The following CD99L2 variants were observed in gnomAD, a reference collection of about 807,000 sequenced individuals.
CD99L2 encodes CD99 antigen-like protein 2.
A neutral mutation model predicts 27.3 loss-of-function variants in CD99L2; 24 were observed. The ratio of observed to expected loss-of-function variants is 0.88; its 90% confidence interval spans 0.64 to 1.24. The LOEUF (loss-of-function observed/expected upper bound fraction) is 1.24. CD99L2 is among the 50% of genes most tolerant of loss of function. The pLI, the probability that CD99L2 is intolerant of heterozygous loss-of-function variation, is 0.00. For synonymous variants in CD99L2, 97 were observed against 87.9 expected, an observed-to-expected ratio of 1.10 and a Z score of -0.58; for missense variants, 255 against 221.6, an observed-to-expected ratio of 1.15 and a Z score of -0.96.
intron 4 of CD99L2, among the ~76,000 whole-genome samples, chrX:150,796,702 T>C (rs2045802889): frequency 8.9e-6 from 1 of 111,983 alleles, no homozygotes; most frequent in Non-Finnish European, 1.9e-5. Context: ...TAAACAATTG[T>C]TTAAGCACTC....
chrX:150,896,152 A>C (rs1289743322), intron 1 of CD99L2, among the ~76,000 whole-genome samples: 1 of 109,364 alleles, frequency 9.1e-6, no homozygotes, highest in Non-Finnish European at 1.9e-5. Context: ...GTAATCCCAG[A>C]ACTTTGGGAG....
intron 1 of CD99L2, among the ~76,000 whole-genome samples, chrX:150,888,534 T>C (rs1458863000): frequency 8.9e-6 from 1 of 112,066 alleles, no homozygotes; most frequent in Non-Finnish European, 1.9e-5. Context: ...GGAGGGGGAA[T>C]GATGATGATC....
chrX:150,794,618 C>G (rs73609536), intron 6 of CD99L2, among the ~76,000 whole-genome samples: 20,170 of 111,650 alleles, frequency 0.18, 1,364 homozygotes, highest in Middle Eastern at 0.25. Flanking sequence ...TAACCTGTAA[C>G]AAACAACCGC....
At chrX:150,776,103 C>G in intron 9 of CD99L2, 71 bp downstream of exon 9, 1 of 1,155,404 alleles carries the variant, frequency 8.7e-7, no homozygotes, top group Non-Finnish European at 1.2e-6. Context: ...GGATCTGGAT[C>G]TGTCCTGGCC....
intron 4 of CD99L2, among the ~76,000 whole-genome samples, chrX:150,796,214 A>C (rs1557419906): frequency 8.9e-6 from 1 of 112,464 alleles, no homozygotes; most frequent in African/African-American, 3.2e-5. Flanking sequence ...AACCTAAATG[A>C]GTTTTACAGA....
At chrX:150,869,013 A>G (rs1557422122) in intron 1 of CD99L2, among the ~76,000 whole-genome samples, 1 of 112,525 alleles carries the variant, frequency 8.9e-6, no homozygotes, top group Non-Finnish European at 1.9e-5. Context: ...TCTCATGGTC[A>G]AGGCAAGTGA....
intron 1 of CD99L2, among the ~76,000 whole-genome samples, chrX:150,866,035 C>T (rs1372425794): frequency 1.8e-5 from 2 of 111,971 alleles, no homozygotes; most frequent in Admixed American, 9.5e-5. Flanking sequence ...GTGGGAGAAT[C>T]GCTTAAGCCC....
At chrX:150,801,140 T>A (rs1416333775) in intron 4 of CD99L2, among the ~76,000 whole-genome samples, 1 of 111,658 alleles carries the variant, frequency 9.0e-6, no homozygotes, top group African/African-American at 3.3e-5. Flanking sequence ...TCACCAATTG[T>A]ATACAATCTC....
At chrX:150,867,833 T>C (rs1388846412) in intron 1 of CD99L2, among the ~76,000 whole-genome samples, 37 of 88,641 alleles carry the variant, frequency 4.2e-4, no homozygotes, top group Non-Finnish European at 7.6e-4. Context: ...GTGGAGGTTG[T>C]AGTGAGCCGA....
At chrX:150,877,155 A>G (rs1338579178) in intron 1 of CD99L2, among the ~76,000 whole-genome samples, 1 of 110,301 alleles carries the variant, frequency 9.1e-6, no homozygotes, top group African/African-American at 3.3e-5. Context: ...AGAAACAAAA[A>G]AGTCATAAAT....
At chrX:150,818,716 A>G (rs2046201737) in intron 2 of CD99L2, 1 of 157,852 alleles carries the variant, frequency 6.3e-6, no homozygotes, top group Non-Finnish European at 1.3e-5. Context: ...TAAACTAGAA[A>G]AAGAAGGCTT....
chrX:150,863,214 T>C (rs1369499444), intron 1 of CD99L2, among the ~76,000 whole-genome samples: 1 of 112,009 alleles, frequency 8.9e-6, no homozygotes, highest in Non-Finnish European at 1.9e-5. Flanking sequence ...TGAGGTAAGG[T>C]GACAAACAAT....
At position 150,777,443 on chromosome X, in the gene CD99L2, C is replaced by G. The variant is rs2043577619; in HGVS notation, c.535+1G>C. The stretch of plus-strand genomic sequence containing the variant: ...AGGAGCCTCAGGATTCAGAAACCCA[C>G]CAGATCCAGGGTCGTCATTGCTGCC... On this transcript the variant is annotated splice_donor_variant, in intron 8 of 10. Transcript: ENST00000370377. LOFTEE classifies it high-confidence loss of function. 1 of 1,211,918 alleles carries G rather than the reference C, an allele frequency of 8.3e-7. No individual in the cohort carries two copies. Among genetic ancestry groups the G allele is most frequent in the Non-Finnish European group, 1.1e-6 (1 of 895,455 alleles).
intron 1 of CD99L2, among the ~76,000 whole-genome samples, chrX:150,866,969 A>C (rs951164871): frequency 2.7e-5 from 3 of 111,920 alleles, no homozygotes; most frequent in African/African-American, 6.5e-5. Flanking sequence ...GAAAAAAAAA[A>C]CAGGTAGCTC....
intron 4 of CD99L2, among the ~76,000 whole-genome samples, chrX:150,808,899 A>AT (rs2046034442): frequency 9.0e-6 from 1 of 111,350 alleles, no homozygotes; most frequent in Admixed American, 9.6e-5. Context: ...CAGCAAAATC[A>AT]TAAGAGTCCT....
intron 1 of CD99L2, among the ~76,000 whole-genome samples, chrX:150,845,251 T>C (rs11797645): frequency 0.29 from 31,821 of 110,258 alleles, 3,682 homozygotes; most frequent in African/African-American, 0.42. Context: ...ATGGAGTGGG[T>C]GCCAGGGGCT....
chrX:150,877,121 TAA>T (rs782764443), intron 1 of CD99L2, among the ~76,000 whole-genome samples: 2 of 64,071 alleles, frequency 3.1e-5, no homozygotes, highest in Admixed American at 1.9e-4. Context: ...TGTCTCTTAA[TAA>T]AAAAAAAAAA....
intron 1 of CD99L2, among the ~76,000 whole-genome samples, chrX:150,839,639 G>A (rs375571320): frequency 2.7e-5 from 3 of 111,225 alleles, no homozygotes; most frequent in African/African-American, 6.5e-5. Context: ...AGGCTGAAGC[G>A]GGAGAATTGC....
chrX:150,882,705 A>C (rs978364964), intron 1 of CD99L2, among the ~76,000 whole-genome samples: 3 of 110,926 alleles, frequency 2.7e-5, no homozygotes, highest in Non-Finnish European at 5.7e-5. Context: ...TATTCAAAAC[A>C]TGTTTTAACT....
Sources: gnomAD v4.1 joint callset for allele counts (sites outside exome capture counted in the v4.1 genomes callset) on GRCh38, gnomAD v4.1.1 for gene constraint, MANE v1.5 for transcripts, NCBI Gene and HGNC (gene_info 2026-07-23, HGNC 2026-07-21) for gene names.